Variants in SYNJ1 observed in about 807,000 individuals in gnomAD.
SYNJ1 encodes polyphosphatidylinositol phosphatase SYNJ1.
A neutral mutation model predicts 168.2 loss-of-function variants in SYNJ1; 78 were observed. The observed-to-expected ratio is 0.46, with a 90% CI of 0.39 to 0.56. The LOEUF is 0.56. Ranked by LOEUF, SYNJ1 falls within the 20% of genes least tolerant of loss-of-function variation. The pLI is 0.00. For missense variants in SYNJ1, 1,303 were observed against 1,597.6 expected (o/e 0.82, Z 3.14); for synonymous variants, 539 against 548.6 (o/e 0.98, Z 0.24).
At position 32,727,957 on chromosome 21, in the gene SYNJ1, G is replaced by T; in HGVS notation, c.-34C>A. ...GCCGGCTTGCTCACCTCTTCCTCCG[G>T]CTCCTCCTCCTCCTTCTCCCGCAGC... On this transcript the variant is annotated 5_prime_UTR_variant, in exon 1 of 33. Transcript: ENST00000674351. 1 of 1,533,792 alleles carries T rather than the reference G, an allele frequency of 6.5e-7. No individual in the cohort carries two copies. The highest frequency in any genetic ancestry group is 8.7e-7 in the Non-Finnish European group (1 of 1,145,864).
chr21:32,660,967 G>A (rs930556208), intron 18 of SYNJ1, among the ~76,000 whole-genome samples: 2 of 152,182 alleles, frequency 1.3e-5, no homozygotes, highest in Non-Finnish European at 1.5e-5. Flanking sequence ...AGCTCGAAAA[G>A]CAGCATCTAC....
intron 15 of SYNJ1, 103 bp from the exon 16 acceptor site, chr21:32,666,676 ACT>A: frequency 5.0e-6 from 6 of 1,193,934 alleles, no homozygotes; most frequent in Non-Finnish European, 4.5e-6. Context: ...ATATCCTAAG[ACT>A]CTGAAGGAAG....
At chr21:32,668,064 T>C (rs1354543342) in intron 15 of SYNJ1, among the ~76,000 whole-genome samples, 1 of 151,568 alleles carries the variant, frequency 6.6e-6, no homozygotes, top group East Asian at 1.9e-4. Flanking sequence ...TGTGTATATA[T>C]ATATACATAT....
chr21:32,723,979 C>T (rs538621373), intron 2 of SYNJ1, among the ~76,000 whole-genome samples: 7 of 151,956 alleles, frequency 4.6e-5, no homozygotes, highest in African/African-American at 1.7e-4. Context: ...GTGGGACTGA[C>T]AGGCTCAGAT....
intron 23 of SYNJ1, 149 bp from the exon 24 acceptor site, chr21:32,646,751 T>C (rs186990666): frequency 2.9e-5 from 18 of 623,670 alleles, no homozygotes; most frequent in Admixed American, 1.9e-4. Context: ...TGAAGGCATG[T>C]ATAAAACCAC....
Position 32,676,321 on chromosome 21 carries a change from C to A in SYNJ1, c.1534+11G>T. ...TTGCTTTTATTTATAGATTGATTTT[C>A]TATACTGTACCTGACTGTAATGTCT... is the stretch of plus-strand genomic sequence containing the variant. On this transcript the variant is annotated intron_variant, in intron 13 of 32. Transcript: ENST00000674351. The A allele has an allele frequency of 6.4e-7, 1 of 1,569,692 alleles. No homozygotes were observed. Among genetic ancestry groups the A allele is most frequent in the Non-Finnish European group, 8.6e-7 (1 of 1,160,598 alleles).
chr21:32,719,824 A>AT (rs2043155784), intron 2 of SYNJ1, among the ~76,000 whole-genome samples: 1 of 151,692 alleles, frequency 6.6e-6, no homozygotes, highest in Non-Finnish European at 1.5e-5. Context: ...TAAATGTTCT[A>AT]TTTTTTCTGC....
chr21:32,646,107 GA>G (rs1220550176), intron 24 of SYNJ1: 2 of 676,006 alleles, frequency 3.0e-6, no homozygotes, highest in East Asian at 5.8e-5. Context: ...GTAGAGAGAA[GA>G]AAAAGCTCAA....
chr21:32,657,206 A>G, intron 19 of SYNJ1, 86 bp from the exon 20 acceptor site: 1 of 894,440 alleles, frequency 1.1e-6, no homozygotes, highest in Non-Finnish European at 1.8e-6. Context: ...CCTTCCTTTC[A>G]TGAGCTTCAG....
At chr21:32,631,915 T>C (rs2039344457) in intron 32 of SYNJ1, 114 bp from the exon 33 acceptor site, 1 of 990,380 alleles carries the variant, frequency 1.0e-6, no homozygotes, top group Non-Finnish European at 1.4e-6. Context: ...ATTTAGAAAC[T>C]AAAAAGTAGC....
chr21:32,680,209 T>G (rs1360032220), intron 11 of SYNJ1, among the ~76,000 whole-genome samples: 1 of 152,092 alleles, frequency 6.6e-6, no homozygotes, highest in Non-Finnish European at 1.5e-5. Flanking sequence ...AAAAGAAACT[T>G]TGCAGGTAAG....
In SYNJ1 at chr21:32,630,213, C is replaced by G. The variant is rs576203373; in HGVS notation, c.*1592G>C. Reference sequence around the variant, plus strand: ...ATAGGCTGTTTCCAGCTGCAAGAACCTCCTCCTGGAGAAAAGCGTATGAAG... The same window carrying G: ...ATAGGCTGTTTCCAGCTGCAAGAACGTCCTCCTGGAGAAAAGCGTATGAAG... On this transcript the variant is annotated 3_prime_UTR_variant, in exon 33 of 33. Coordinates refer to ENST00000674351, the MANE Select transcript of SYNJ1 (RefSeq NM_203446.3). 9 of 152,310 alleles carry G rather than the reference C, an allele frequency of 5.9e-5. No individual in the cohort carries two copies. The highest frequency in any genetic ancestry group is 3.9e-4 in the Admixed American group (6 of 15,294). 9.4% of individuals were successfully genotyped at this position (152,310 alleles called of 1,614,324 possible). A position where few individuals can be genotyped will look rare whatever the true frequency, so the allele number is the denominator to read the frequency against.
chr21:32,639,514 C>T (rs763285288), intron 30 of SYNJ1, among the ~76,000 whole-genome samples, 157 bp downstream of exon 30: 2 of 152,142 alleles, frequency 1.3e-5, no homozygotes, highest in Non-Finnish European at 2.9e-5. Flanking sequence ...ACCTTAGCCG[C>T]CCGAGTAGCT....
chr21:32,639,433 C>G (rs1019515635), intron 30 of SYNJ1, among the ~76,000 whole-genome samples: 3 of 151,830 alleles, frequency 2.0e-5, no homozygotes, highest in Non-Finnish European at 2.9e-5. Context: ...GTTCTTTTGC[C>G]CAGGCTGGAG....
chr21:32,721,657 T>G (rs2043226718), intron 2 of SYNJ1, among the ~76,000 whole-genome samples: 1 of 151,420 alleles, frequency 6.6e-6, no homozygotes, highest in Non-Finnish European at 1.5e-5. Flanking sequence ...CCAACTTGGG[T>G]GACAGAGCAA....
At chr21:32,717,071 T>C (rs2043049815) in intron 2 of SYNJ1, among the ~76,000 whole-genome samples, 1 of 152,120 alleles carries the variant, frequency 6.6e-6, no homozygotes, top group East Asian at 1.9e-4. Flanking sequence ...GTAATTCTCC[T>C]GCCTCAGCCT....
intron 32 of SYNJ1, 92 bp downstream of exon 32, chr21:32,634,769 G>A (rs2039487467): frequency 2.2e-6 from 3 of 1,341,450 alleles, no homozygotes; most frequent in Admixed American, 1.9e-5. Flanking sequence ...TTTAAAAATG[G>A]GTGAAACTTT....
intron 11 of SYNJ1, among the ~76,000 whole-genome samples, 178 bp downstream of exon 11, chr21:32,681,318 T>C (rs2041613868): frequency 6.6e-6 from 1 of 152,206 alleles, no homozygotes; most frequent in Non-Finnish European, 1.5e-5. Flanking sequence ...CTTCCATTTA[T>C]TCACTAGTAT....
rs770096593 is a variant in SYNJ1, at chr21:32,726,800, C to T, written c.96G>A (p.Met32Ile). The change falls in exon 2 of 33, where the codon ATG becomes ATA. Residue 32 changes from methionine (M) to isoleucine (I), a missense_variant. Coordinates refer to ENST00000674351, the MANE Select transcript of SYNJ1 (RefSeq NM_203446.3). ...VETRHKEECL[M>I]FESGAVAVLS... ...GCACAGCGACAGCCCCAGACTCGAACATGAGACATTCTTCCTTATGCCTAG... is the reference window on the plus strand; with the variant it reads ...GCACAGCGACAGCCCCAGACTCGAATATGAGACATTCTTCCTTATGCCTAG... 9 of 1,614,072 alleles carry T rather than the reference C, an allele frequency of 5.6e-6. No homozygotes were observed. The highest frequency in any genetic ancestry group is 7.6e-6 in the Non-Finnish European group (9 of 1,180,046).
Sources: gnomAD v4.1 joint callset for allele counts (sites outside exome capture counted in the v4.1 genomes callset) on GRCh38, gnomAD v4.1.1 for gene constraint, MANE v1.5 for transcripts, NCBI Gene and HGNC (gene_info 2026-07-23, HGNC 2026-07-21) for gene names.